Variants in PIWIL4 observed in about 807,000 individuals in gnomAD.
The protein encoded by PIWIL4 is piwi-like protein 4.
Under a neutral mutation model 100.9 loss-of-function variants are expected in PIWIL4, and 50 were observed. That is an observed-to-expected ratio of 0.50 (90% CI 0.39 to 0.63). The LOEUF (loss-of-function observed/expected upper bound fraction) is 0.63. Ranked by LOEUF, PIWIL4 falls within the 20% of genes least tolerant of loss-of-function variation. The pLI is 0.00. For synonymous variants in PIWIL4, 342 were observed against 367.5 expected (o/e 0.93, Z 0.79); for missense variants, 887 against 1,043.3 (o/e 0.85, Z 2.06).
chr11:94,588,045 A>C (rs982837480), intron 7 of PIWIL4, among the ~76,000 whole-genome samples: 1 of 152,176 alleles, frequency 6.6e-6, no homozygotes, highest in African/African-American at 2.4e-5. Flanking sequence ...TGCTGCAGCT[A>C]TCAACCATCA....
At chr11:94,580,822 T>G (rs1948300608) in intron 4 of PIWIL4, among the ~76,000 whole-genome samples, 1 of 151,620 alleles carries the variant, frequency 6.6e-6, no homozygotes, top group South Asian at 2.1e-4. Flanking sequence ...CACAAGTAGC[T>G]GCTACCACCA....
rs980033233 is a variant in PIWIL4 at position 94,621,064 on chromosome 11, T to C, written c.*72T>C. ...TGGTATACTTTGTGCAAATCTGCCA[T>C]AAGCTCAAGGCTGTGACTGGGGAAA... On this transcript the variant is annotated 3_prime_UTR_variant, in exon 20 of 20. Transcript: ENST00000299001. The C allele has an allele frequency of 9.9e-6, 11 of 1,113,538 alleles. No individual in the cohort carries two copies. Among genetic ancestry groups the C allele is most frequent in the African/African-American group, 7.7e-5 (5 of 64,890 alleles). The allele number at this position is 1,113,538 out of a possible 1,614,324, so 69.0% of individuals were successfully genotyped here.
chr11:94,617,337 A>G (rs1948858187), intron 16 of PIWIL4, among the ~76,000 whole-genome samples: 2 of 139,018 alleles, frequency 1.4e-5, no homozygotes, highest in Admixed American at 7.3e-5. Flanking sequence ...AACCTGGTAA[A>G]TTTTTTTAGC....
At chr11:94,612,633 G>C (rs1948799871) in intron 15 of PIWIL4, among the ~76,000 whole-genome samples, 1 of 151,750 alleles carries the variant, frequency 6.6e-6, no homozygotes, top group South Asian at 2.1e-4. Flanking sequence ...CTCTCTCTCT[G>C]TCTTCCTTTG....
intron 15 of PIWIL4, among the ~76,000 whole-genome samples, chr11:94,612,924 TA>T (rs1383474796): frequency 6.6e-6 from 1 of 152,214 alleles, no homozygotes; most frequent in Non-Finnish European, 1.5e-5. Flanking sequence ...ATTGTATTGT[TA>T]TTTTCTTATG....
At chr11:94,591,427 A>G (rs1235799639) in intron 8 of PIWIL4, among the ~76,000 whole-genome samples, 1 of 152,234 alleles carries the variant, frequency 6.6e-6, no homozygotes, top group East Asian at 1.9e-4. Context: ...GTACCTGTGC[A>G]TTCATCACAT....
At chr11:94,617,794 C>A in intron 16 of PIWIL4, 160 bp from the exon 17 acceptor site, 1 of 658,304 alleles carries the variant, frequency 1.5e-6, no homozygotes, top group Non-Finnish European at 2.6e-6. Context: ...CTAAAGTTAT[C>A]CATTGTTATA....
At position 94,618,017 on chromosome 11, in the gene PIWIL4, C is replaced by A; in HGVS notation, c.2078C>A (p.Ala693Asp). The stretch of plus-strand genomic sequence containing the variant: ...CCAGCACGGATAATTGTGTACCGTG[C>A]TGGTGTAGGGGATGGTCAGCTGAAA... ...DLPARIIVYR[A>D]GVGDGQLKTL... Residue 693 changes from alanine to aspartate, a missense_variant, in exon 17 of 20, where the codon GCT becomes GAT. This residue lies in a region of PIWIL4 where 741 missense variants were observed against 930.0 expected (regional missense o/e 0.80). Coordinates refer to ENST00000299001, the MANE Select transcript of PIWIL4 (RefSeq NM_152431.3). The A allele has an allele frequency of 6.2e-7, 1 of 1,612,496 alleles. No individual in the cohort carries two copies. Among genetic ancestry groups the A allele is most frequent in the Non-Finnish European group, 8.5e-7 (1 of 1,178,946 alleles).
intron 16 of PIWIL4, among the ~76,000 whole-genome samples, chr11:94,616,867 G>A (rs1450455610): frequency 6.6e-6 from 1 of 152,196 alleles, no homozygotes. Flanking sequence ...GGAGGAACTC[G>A]AGTTATGACA....
rs1452623113 is a variant in PIWIL4, at chr11:94,601,792, C to T, written c.1381-3C>T. 1.2e-6 allele frequency: 2 copies of T among 1,611,770 alleles called. No individual in the cohort carries two copies. Among genetic ancestry groups the T allele is most frequent in the South Asian group, 2.2e-5 (2 of 90,550 alleles). ...ATCCTTTCATGATCATTATTTTTCTCAGTGTCAACCTGTGTCTGCTGCTGA... is the reference window on the plus strand; with the variant it reads ...ATCCTTTCATGATCATTATTTTTCTTAGTGTCAACCTGTGTCTGCTGCTGA... On this transcript the variant is annotated splice_region_variant and splice_polypyrimidine_tract_variant and intron_variant, in intron 11 of 19. Transcript: ENST00000299001.
intron 11 of PIWIL4, among the ~76,000 whole-genome samples, chr11:94,599,301 C>G (rs996383276): frequency 2.2e-4 from 33 of 151,992 alleles, no homozygotes; most frequent in Admixed American, 1.1e-3. Context: ...GGTGTAGAAA[C>G]TGGTGTCCAT....
At chr11:94,606,748 C>T (rs896710126) in intron 13 of PIWIL4, among the ~76,000 whole-genome samples, 4 of 151,648 alleles carry the variant, frequency 2.6e-5, no homozygotes, top group Non-Finnish European at 5.9e-5. Context: ...GCACAAGAAT[C>T]GCTTGACCCC....
chr11:94,604,919 G>C (rs573858743), intron 13 of PIWIL4, among the ~76,000 whole-genome samples: 9 of 152,232 alleles, frequency 5.9e-5, no homozygotes, highest in African/African-American at 1.9e-4. Context: ...CTCACCCTAA[G>C]AGCATTTATT....
chr11:94,584,862 C>T (rs1410919879), intron 5 of PIWIL4, among the ~76,000 whole-genome samples: 4 of 152,060 alleles, frequency 2.6e-5, no homozygotes, highest in African/African-American at 4.8e-5. Context: ...GTCAGGAGTT[C>T]GAGACCAGCC....
intron 16 of PIWIL4, among the ~76,000 whole-genome samples, chr11:94,617,620 TGAA>T (rs1296768983): frequency 6.6e-6 from 1 of 152,184 alleles, no homozygotes; most frequent in African/African-American, 2.4e-5. Context: ...TTTAAAGACT[TGAA>T]GACACTAATA....
chr11:94,597,673 A>T, intron 10 of PIWIL4, 131 bp from the exon 11 acceptor site: 1 of 621,768 alleles, frequency 1.6e-6, no homozygotes, highest in Non-Finnish European at 2.8e-6. Context: ...TAATTCTTTT[A>T]AGCAGGGAAA....
At chr11:94,592,301 A>T (rs920558452) in intron 8 of PIWIL4, among the ~76,000 whole-genome samples, 1 of 152,222 alleles carries the variant, frequency 6.6e-6, no homozygotes, top group Admixed American at 6.5e-5. Flanking sequence ...TATCTCTTTC[A>T]TCAGTTTGTT....
chr11:94,620,249 A>G (rs554954765), intron 19 of PIWIL4, 105 bp downstream of exon 19: 2 of 1,217,170 alleles, frequency 1.6e-6, no homozygotes, highest in South Asian at 3.3e-5. Flanking sequence ...ACAATACCTG[A>G]TATTTCCTAA....
chr11:94,620,646 G>A (rs1198800348), intron 19 of PIWIL4, among the ~76,000 whole-genome samples: 1 of 152,098 alleles, frequency 6.6e-6, no homozygotes, highest in Non-Finnish European at 1.5e-5. Flanking sequence ...GAAGTGTGAT[G>A]GCTCCCTACT....
Sources: allele counts gnomAD v4.1 joint callset (sites outside exome capture counted in the v4.1 genomes callset), GRCh38; gene constraint gnomAD v4.1.1; regional missense constraint gnomAD v4.1.1; transcripts MANE v1.5; gene names NCBI Gene and HGNC (gene_info 2026-07-23, HGNC 2026-07-21).